PARD3B: variants seen among roughly 807,000 people sequenced by gnomAD.
PARD3B encodes par-3 family cell polarity regulator beta.
PARD3B carries 103 observed loss-of-function variants against 130.2 expected under a neutral mutation model. The ratio of observed to expected loss-of-function variants is 0.79; its 90% confidence interval spans 0.67 to 0.93. The LOEUF (loss-of-function observed/expected upper bound fraction) is 0.93. Ranked by LOEUF, PARD3B falls within the 40% of genes least tolerant of loss-of-function variation. The pLI is 0.00. For synonymous variants in PARD3B, 583 were observed against 553.2 expected (o/e 1.05, Z -0.76); for missense variants, 1,609 against 1,499.2 (o/e 1.07, Z -1.21).
At chr2:205,012,165 T>A (rs948725588) in intron 3 of PARD3B, among the ~76,000 whole-genome samples, 2 of 152,200 alleles carry the variant, frequency 1.3e-5, no homozygotes, top group African/African-American at 4.8e-5. Flanking sequence ...CTGGTCCTTA[T>A]GTTTTCACTT....
At chr2:205,302,392 A>G (rs1252151617) in intron 18 of PARD3B, among the ~76,000 whole-genome samples, 1 of 151,908 alleles carries the variant, frequency 6.6e-6, no homozygotes, top group African/African-American at 2.4e-5. Context: ...AGCCAGGCAC[A>G]GTGGTGCATA....
chr2:205,370,549 G>C (rs2044773231), intron 18 of PARD3B, among the ~76,000 whole-genome samples: 1 of 152,128 alleles, frequency 6.6e-6, no homozygotes, highest in African/African-American at 2.4e-5. Flanking sequence ...GAAAGGGCAG[G>C]AGTATCTCCC....
chr2:204,576,358 C>T (rs761969775), intron 1 of PARD3B, among the ~76,000 whole-genome samples: 2 of 152,134 alleles, frequency 1.3e-5, no homozygotes, highest in Non-Finnish European at 2.9e-5. Flanking sequence ...CTGTAATCAC[C>T]AGCAAAAGAA....
At chr2:204,658,786 C>T (rs2035714551) in intron 1 of PARD3B, among the ~76,000 whole-genome samples, 1 of 152,128 alleles carries the variant, frequency 6.6e-6, no homozygotes, top group East Asian at 1.9e-4. Flanking sequence ...CTAGATCCAA[C>T]AAAAGTCCTA....
intron 20 of PARD3B, among the ~76,000 whole-genome samples, chr2:205,451,929 A>C (rs1330886083): frequency 6.6e-6 from 1 of 152,006 alleles, no homozygotes; most frequent in African/African-American, 2.4e-5. Flanking sequence ...CTTTCTAACT[A>C]TTTCTTTGTA....
At chr2:204,872,983 A>G (rs2045686897) in intron 2 of PARD3B, among the ~76,000 whole-genome samples, 1 of 152,182 alleles carries the variant, frequency 6.6e-6, no homozygotes, top group Non-Finnish European at 1.5e-5. Flanking sequence ...GTGGTTCTTG[A>G]TTTGGCTTTA....
chr2:205,353,484 T>A (rs558716864), intron 18 of PARD3B, among the ~76,000 whole-genome samples: 125 of 151,708 alleles, frequency 8.2e-4, no homozygotes, highest in Non-Finnish European at 1.5e-3. Context: ...ACTGGTATAC[T>A]CAGTAAATTC....
At chr2:205,040,183 C>T (rs549288265) in intron 3 of PARD3B, among the ~76,000 whole-genome samples, 222 of 152,234 alleles carry the variant, frequency 1.5e-3, no homozygotes, top group Non-Finnish European at 2.2e-3. Flanking sequence ...AGGCTGGTCT[C>T]GAACTCCTGA....
chr2:204,628,724 A>T (rs753671193), intron 1 of PARD3B, among the ~76,000 whole-genome samples: 3 of 152,210 alleles, frequency 2.0e-5, no homozygotes, highest in Non-Finnish European at 4.4e-5. Flanking sequence ...TAGGCTACTA[A>T]GATCATTATG....
At chr2:205,413,250 G>C (rs2046661121) in intron 19 of PARD3B, among the ~76,000 whole-genome samples, 1 of 152,136 alleles carries the variant, frequency 6.6e-6, no homozygotes, top group South Asian at 2.1e-4. Flanking sequence ...ACTGTGCTTG[G>C]CACATAATAG....
chr2:205,195,995 G>C (rs2036662654), intron 15 of PARD3B, among the ~76,000 whole-genome samples: 1 of 152,110 alleles, frequency 6.6e-6, no homozygotes, highest in Non-Finnish European at 1.5e-5. Context: ...GCATGTTAAT[G>C]AGTCATTGTT....
intron 2 of PARD3B, among the ~76,000 whole-genome samples, chr2:204,802,727 A>C (rs572682947): frequency 2.8e-4 from 43 of 152,298 alleles, no homozygotes; most frequent in Non-Finnish European, 5.3e-4. Flanking sequence ...CATTCTCAGC[A>C]TTCTAACACA....
At chr2:205,459,756 C>T (rs1212362713) in intron 20 of PARD3B, among the ~76,000 whole-genome samples, 2 of 152,112 alleles carry the variant, frequency 1.3e-5, no homozygotes, top group Admixed American at 6.6e-5. Context: ...TCAGTGACCA[C>T]GTTTAGCAAC....
chr2:205,230,678 C>T lies in PARD3B; in HGVS notation c.2141-15100C>T, dbSNP rs1301452535. 6.6e-6 allele frequency among the ~76,000 whole-genome samples: 1 copy of T among 152,168 alleles called. No individual in the cohort carries two copies. Among genetic ancestry groups the T allele is most frequent in the Non-Finnish European group, 1.5e-5 (1 of 68,028 alleles). On this transcript the variant is annotated intron_variant, in intron 15 of 22. Transcript: ENST00000406610. This position sits in a 1 kb window ranked among gnomAD's most constrained non-coding sequence, Gnocchi z 4.1. ...TATTACCCCCCAAGTCCACTTACTCCAAGCCCAGCACAGCATCAAGACTTG... is the reference window on the plus strand; with the variant it reads ...TATTACCCCCCAAGTCCACTTACTCTAAGCCCAGCACAGCATCAAGACTTG...
At chr2:205,519,340 G>A (rs921352384) in intron 21 of PARD3B, among the ~76,000 whole-genome samples, 1 of 152,166 alleles carries the variant, frequency 6.6e-6, no homozygotes, top group Non-Finnish European at 1.5e-5. Context: ...CAAGCTCTGA[G>A]ATTCTTTCCT....
chr2:205,049,834 A>G (rs1298236111), intron 4 of PARD3B, among the ~76,000 whole-genome samples: 1 of 152,202 alleles, frequency 6.6e-6, no homozygotes, highest in Non-Finnish European at 1.5e-5. Flanking sequence ...CTGTGTATCA[A>G]CAGTGAAAAG....
At position 204,943,241 on chromosome 2, in the gene PARD3B, T is replaced by G. The variant is rs1316092608; in HGVS notation, c.223-21911T>G. Among the ~76,000 whole-genome samples, 1 of 152,042 alleles carries G rather than the reference T, an allele frequency of 6.6e-6. No homozygotes were observed. The highest frequency in any genetic ancestry group is 1.5e-5 in the Non-Finnish European group (1 of 68,010). Reference sequence around the variant, plus strand: ...AATTTTCATAGATCCAAACAGTTTCTCTCTGCTTTTCTCAAACCTAATTAT... The same window carrying G: ...AATTTTCATAGATCCAAACAGTTTCGCTCTGCTTTTCTCAAACCTAATTAT... On this transcript the variant is annotated intron_variant, in intron 2 of 22. Transcript: ENST00000406610. This position sits in a 1 kb window ranked among gnomAD's most constrained non-coding sequence, Gnocchi z 4.2.
chr2:204,733,006 TGATAAAGG>T (rs1488697361), intron 2 of PARD3B, among the ~76,000 whole-genome samples: 1 of 152,034 alleles, frequency 6.6e-6, no homozygotes, highest in African/African-American at 2.4e-5. Context: ...TTTTTTTACT[TGATAAAGG>T]GATTCACACA....
intron 20 of PARD3B, among the ~76,000 whole-genome samples, chr2:205,480,142 T>C (rs2049177649): frequency 6.6e-6 from 1 of 152,144 alleles, no homozygotes; most frequent in Non-Finnish European, 1.5e-5. Flanking sequence ...TGGCCTCAGA[T>C]GATCCACCCG....
Sources: allele counts gnomAD v4.1 joint callset (sites outside exome capture counted in the v4.1 genomes callset), GRCh38; gene constraint gnomAD v4.1.1; non-coding constraint Gnocchi (gnomAD v3.1); transcripts MANE v1.5; gene names NCBI Gene and HGNC (gene_info 2026-07-23, HGNC 2026-07-21).